PRKN: variants seen among roughly 807,000 people sequenced by gnomAD.
PRKN encodes E3 ubiquitin-protein ligase parkin.
PRKN carries 56 observed loss-of-function variants against 59.5 expected under a neutral mutation model. The observed-to-expected ratio is 0.94, with a 90% CI of 0.76 to 1.18. PRKN has a LOEUF of 1.18. Ranked by LOEUF, PRKN falls within the 50% of genes most tolerant of loss-of-function variation. PRKN has a pLI of 0.00. For synonymous variants in PRKN, 250 were observed against 222.1 expected (o/e 1.13, Z -1.12); for missense variants, 657 against 596.4 (o/e 1.10, Z -1.06).
At position 161,607,038 on chromosome 6, in the gene PRKN, T is replaced by G. The variant is rs552236861; in HGVS notation, c.872-37622A>C. Among the ~76,000 whole-genome samples, 3 of 152,298 alleles carry G rather than the reference T, an allele frequency of 2.0e-5. No individual in the cohort carries two copies. In the South Asian group the frequency reaches 6.2e-4, roughly 32 times the overall value. On this transcript the variant is annotated intron_variant, in intron 7 of 11. Transcript: ENST00000366898. ...GATTGGTGATAGCTCAACCCCTTTGTTCTGCCTCCCTTCCAGACTGACGGC... is the reference window on the plus strand; with the variant it reads ...GATTGGTGATAGCTCAACCCCTTTGGTCTGCCTCCCTTCCAGACTGACGGC...
At chr6:162,470,903 T>C (rs373922223) in intron 1 of PRKN, among the ~76,000 whole-genome samples, 1 of 151,168 alleles carries the variant, frequency 6.6e-6, no homozygotes, top group East Asian at 2.0e-4. Context: ...ATTACAGGTG[T>C]GCGCCACCAT....
chr6:162,366,634 G>A (rs143286481), intron 2 of PRKN, among the ~76,000 whole-genome samples: 191 of 152,220 alleles, frequency 1.3e-3, no homozygotes, highest in East Asian at 8.3e-3. Context: ...GGCCAGGCAC[G>A]ATGGGTCATG....
Position 161,395,868 on chromosome 6 carries a change from G to T in PRKN, c.1084-8991C>A, listed in dbSNP as rs559005617. On this transcript the variant is annotated intron_variant, in intron 9 of 11. Coordinates refer to ENST00000366898, the MANE Select transcript of PRKN (RefSeq NM_004562.3). The surrounding 1 kb of genome is among the most constrained non-coding windows in gnomAD (Gnocchi z 5.0). ...TCTCATTCTGATGGGCCTGAATCTG[G>T]CCCGCCTGCCAGGAAAGGACTTGTA... Among the ~76,000 whole-genome samples, 3 of 152,312 alleles carry T rather than the reference G, an allele frequency of 2.0e-5. No homozygotes were observed. The South Asian group carries it at 6.2e-4, about 32-fold the overall frequency.
intron 2 of PRKN, among the ~76,000 whole-genome samples, chr6:162,332,236 A>C (rs146439730): frequency 6.6e-6 from 1 of 152,228 alleles, no homozygotes; most frequent in Non-Finnish European, 1.5e-5. Context: ...ACTGGAAGAC[A>C]ACTCTGAGAC....
chr6:161,868,069 TA>T (rs748542291), intron 6 of PRKN, among the ~76,000 whole-genome samples: 5 of 151,836 alleles, frequency 3.3e-5, no homozygotes, highest in Admixed American at 6.6e-5. Flanking sequence ...CCAAATCTTT[TA>T]ATTTCTTTAA....
chr6:161,755,425 CTGTT>C (rs2128196199), intron 7 of PRKN, among the ~76,000 whole-genome samples: 1 of 152,154 alleles, frequency 6.6e-6, no homozygotes, highest in African/African-American at 2.4e-5. Flanking sequence ...TACTTGATAA[CTGTT>C]AACACAAAAG....
At chr6:162,435,020 C>G (rs1284686847) in intron 2 of PRKN, among the ~76,000 whole-genome samples, 4 of 152,172 alleles carry the variant, frequency 2.6e-5, no homozygotes, top group African/African-American at 9.7e-5. Flanking sequence ...TAAGCAAAAT[C>G]TCAGATAACA....
chr6:161,916,277 G>A (rs181605868), intron 6 of PRKN, among the ~76,000 whole-genome samples: 1 of 152,274 alleles, frequency 6.6e-6, no homozygotes, highest in Admixed American at 6.5e-5. Flanking sequence ...AGAAACTTAA[G>A]AAGATGGGAC....
rs1784456590 is a variant in PRKN, at chr6:162,347,564, TA to T, written c.172-84800del. On this transcript the variant is annotated intron_variant, in intron 2 of 11. Transcript: ENST00000366898. ...TATGACTTAAATATGTGTGTTTGAA[TA>T]AAGAGAATGTATTATTTGTGATGAA... Among the ~76,000 whole-genome samples, 3 of 152,238 alleles carry T rather than the reference TA, an allele frequency of 2.0e-5. No homozygotes were observed. In the South Asian group the frequency reaches 6.2e-4, roughly 32 times the overall value.
At chr6:162,160,557 C>G (rs561674409) in intron 4 of PRKN, among the ~76,000 whole-genome samples, 1 of 151,924 alleles carries the variant, frequency 6.6e-6, no homozygotes, top group Non-Finnish European at 1.5e-5. Context: ...TCAAACTATA[C>G]CTCAGTAAAG....
At chr6:162,503,476 T>C (rs889355199) in intron 1 of PRKN, among the ~76,000 whole-genome samples, 1 of 152,156 alleles carries the variant, frequency 6.6e-6, no homozygotes, top group African/African-American at 2.4e-5. Context: ...TGTTCCTTCC[T>C]TTCAAAGAAA....
chr6:161,541,556 C>A (rs1342125068), intron 9 of PRKN, among the ~76,000 whole-genome samples: 7 of 152,158 alleles, frequency 4.6e-5, no homozygotes, highest in Non-Finnish European at 8.8e-5. Flanking sequence ...TGCGGTGGCT[C>A]ACGCCTATAA....
At chr6:162,191,340 G>A (rs768136063) in intron 4 of PRKN, among the ~76,000 whole-genome samples, 1 of 152,178 alleles carries the variant, frequency 6.6e-6, no homozygotes, top group African/African-American at 2.4e-5. Flanking sequence ...AACATGCTTC[G>A]TTACTATCAC....
chr6:161,771,462 C>T (rs7759380), intron 7 of PRKN, among the ~76,000 whole-genome samples: 50,794 of 150,918 alleles, frequency 0.34, 8,778 homozygotes, highest in South Asian at 0.5. Context: ...GGGGAGGGAT[C>T]AGGAGTGATG....
chr6:161,835,896 C>T (rs1033450215), intron 6 of PRKN, among the ~76,000 whole-genome samples: 3 of 152,158 alleles, frequency 2.0e-5, no homozygotes, highest in Non-Finnish European at 4.4e-5. Context: ...CAGCACATAT[C>T]GATTTGAAGC....
intron 1 of PRKN, among the ~76,000 whole-genome samples, chr6:162,516,045 G>A (rs1777840120): frequency 1.3e-5 from 2 of 152,190 alleles, no homozygotes; most frequent in African/African-American, 2.4e-5. Context: ...GCTTCTTTGC[G>A]CTAATGCAGC....
At chr6:162,532,793 G>A (rs66507030) in intron 1 of PRKN, among the ~76,000 whole-genome samples, 14,298 of 152,270 alleles carry the variant, frequency 0.094, 766 homozygotes, top group Middle Eastern at 0.18. Flanking sequence ...AAGGAACAAA[G>A]GAAATAGCTA....
chr6:162,052,577 G>T (rs1297450864), intron 5 of PRKN, among the ~76,000 whole-genome samples: 2 of 151,974 alleles, frequency 1.3e-5, no homozygotes, highest in Non-Finnish European at 2.9e-5. Context: ...AGAGGATTTG[G>T]GCTACTCTCA....
At chr6:162,679,347 G>T (rs112992659) in intron 1 of PRKN, among the ~76,000 whole-genome samples, 1 of 151,904 alleles carries the variant, frequency 6.6e-6, no homozygotes, top group African/African-American at 2.4e-5. Flanking sequence ...CAAGTGATCC[G>T]CCCACCTCGG....
Sources: gnomAD v4.1 joint callset for allele counts (sites outside exome capture counted in the v4.1 genomes callset) on GRCh38, gnomAD v4.1.1 for gene constraint, Gnocchi (gnomAD v3.1) non-coding constraint, MANE v1.5 for transcripts, NCBI Gene and HGNC (gene_info 2026-07-23, HGNC 2026-07-21) for gene names.